The following C14orf39 variants were observed in gnomAD, a reference collection of about 807,000 sequenced individuals.
C14orf39 encodes chromosome 14 open reading frame 39.
Under a neutral mutation model 85.6 loss-of-function variants are expected in C14orf39, and 66 were observed. The ratio of observed to expected loss-of-function variants is 0.77; its 90% CI spans 0.63 to 0.95. C14orf39 has a LOEUF of 0.95. Among genes scored for constraint, C14orf39 ranks in the 40% least tolerant of loss-of-function variants. The probability of loss-of-function intolerance (pLI) is 0.00; values close to 1 mark genes in which losing one functional copy is unlikely to be tolerated. For missense variants in C14orf39, 735 were observed against 663.9 expected (o/e 1.11, Z -1.18); for synonymous variants, 242 against 214.0 (o/e 1.13, Z -1.14).
chr14:60,444,314 C>G (rs148142176), intron 16 of C14orf39, among the ~76,000 whole-genome samples: 4 of 152,136 alleles, frequency 2.6e-5, no homozygotes, highest in Non-Finnish European at 5.9e-5. Flanking sequence ...AAAGGTTAGA[C>G]GAATGGCTAA....
chr14:60,460,079 T>C (rs1230450762), intron 13 of C14orf39, among the ~76,000 whole-genome samples: 1 of 151,124 alleles, frequency 6.6e-6, no homozygotes, highest in East Asian at 1.9e-4. Context: ...AGTTTTTGTC[T>C]CTTACATTTA....
At chr14:60,514,157 T>A (rs1046895831) in intron 1 of C14orf39, among the ~76,000 whole-genome samples, 5 of 152,212 alleles carry the variant, frequency 3.3e-5, no homozygotes, top group Admixed American at 1.3e-4. Context: ...ATCTTTCCAA[T>A]CTTCCCAAGG....
chr14:60,449,089 G>A (rs1405263568), intron 16 of C14orf39, among the ~76,000 whole-genome samples: 1 of 152,134 alleles, frequency 6.6e-6, no homozygotes, highest in Non-Finnish European at 1.5e-5. Context: ...CAATGTAGAT[G>A]ACAAGTTGAT....
intron 1 of C14orf39, chr14:60,509,973 C>A (rs1231504112): frequency 1.3e-6 from 2 of 1,596,108 alleles, no homozygotes; most frequent in African/African-American, 1.3e-5. Context: ...AAGAACAGGT[C>A]GGTACCTAGA....
At chr14:60,452,850 T>G (rs1004642976) in intron 16 of C14orf39, among the ~76,000 whole-genome samples, 3 of 152,192 alleles carry the variant, frequency 2.0e-5, no homozygotes, top group African/African-American at 7.2e-5. Context: ...TTCTTTGATC[T>G]ATGGCCTACA....
chr14:60,463,930 C>T (rs1891655650), intron 11 of C14orf39, among the ~76,000 whole-genome samples: 1 of 152,052 alleles, frequency 6.6e-6, no homozygotes, highest in Admixed American at 6.6e-5. Context: ...GCAGAAACTG[C>T]CATTTGCCTA....
chr14:60,498,329 C>T (rs1388011579), intron 2 of C14orf39, among the ~76,000 whole-genome samples: 2 of 152,202 alleles, frequency 1.3e-5, no homozygotes, highest in African/African-American at 4.8e-5. Flanking sequence ...TAAGCACAGA[C>T]ATTTCTCATT....
chr14:60,453,101 T>C (rs909028198), intron 16 of C14orf39, among the ~76,000 whole-genome samples: 1 of 152,104 alleles, frequency 6.6e-6, no homozygotes, highest in African/African-American at 2.4e-5. Flanking sequence ...TCAGATCTTA[T>C]TAAAGATCTT....
intron 1 of C14orf39, among the ~76,000 whole-genome samples, chr14:60,510,284 C>T (rs998848521): frequency 1.3e-5 from 2 of 152,206 alleles, no homozygotes; most frequent in Admixed American, 1.3e-4. Flanking sequence ...TTAGGGACCC[C>T]AAGACCCAAA....
At chr14:60,486,466 A>G (rs1040791581), upstream of C14orf39, among the ~76,000 whole-genome samples, 1 of 152,248 alleles carries the variant, frequency 6.6e-6, no homozygotes, top group Non-Finnish European at 1.5e-5. Flanking sequence ...TTTTCAAAAC[A>G]TCTTAAAAAG....
intron 1 of C14orf39, among the ~76,000 whole-genome samples, chr14:60,507,644 C>T (rs901786730): frequency 4.6e-5 from 7 of 152,128 alleles, no homozygotes; most frequent in Non-Finnish European, 7.4e-5. Context: ...TCCGTCAGAA[C>T]GAGCTTTGCC....
chr14:60,440,402 CTTTG>C (rs771757615), intron 17 of C14orf39, among the ~76,000 whole-genome samples: 5 of 152,290 alleles, frequency 3.3e-5, no homozygotes, highest in Non-Finnish European at 5.9e-5. Flanking sequence ...ATGGCACAAT[CTTTG>C]TTTCTCTCTC....
In C14orf39 at chr14:60,496,037, A is replaced by G. The variant is rs555679467; in HGVS notation, c.-9+3259T>C. On this transcript the variant is annotated intron_variant, in intron 2 of 5. Coordinates refer to the C14orf39 transcript ENST00000556799. ...AGCTAGTTGTGAAAGGGATTTTGGC[A>G]TGAGGTAGCTTGGCTTGTTTCAAGG... 24 of 723,100 alleles carry G rather than the reference A, an allele frequency of 3.3e-5. No homozygotes were observed. The African/African-American group carries it at 4.3e-4, about 13-fold the overall frequency. The allele number at this position is 723,100 out of a possible 1,614,324, so 44.8% of individuals were successfully genotyped here.
rs766096188 is a variant in C14orf39, at chr14:60,469,631, G to C, written c.577C>G (p.Gln193Glu). The C allele has an allele frequency of 7.7e-6, 11 of 1,423,324 alleles. No homozygotes were observed. In the African/African-American group the frequency reaches 1.6e-4, roughly 20 times the overall value. The allele number at this position is 1,423,324 out of a possible 1,614,324, so 88.2% of individuals were successfully genotyped here. A position where few individuals can be genotyped will look rare whatever the true frequency, so the allele number is the denominator to read the frequency against. ...LNIVNLRCET[Q>E]DILKHASNLT... ...TTGCTGGCATGTTTAAGAATATCTT[G>C]TGTTTCACATCTCAAATTAACACTT... The change falls in exon 8 of 18, where the codon CAA becomes GAA. Residue 193 changes from glutamine (Q) to glutamate (E), a missense_variant. Transcript: ENST00000321731.
Position 60,437,082 on chromosome 14 carries a change from CA to C in C14orf39, c.1562-36del, listed in dbSNP as rs749738928. ...ATAAACATTACAATATCATGCTCTT[CA>C]TATTATATAAAATTTTTATAACCTA... On this transcript the variant is annotated intron_variant, in intron 17 of 17. Coordinates refer to ENST00000321731, the MANE Select transcript of C14orf39 (RefSeq NM_174978.3). 3 of 1,410,700 alleles carry C rather than the reference CA, an allele frequency of 2.1e-6. No individual in the cohort carries two copies. The South Asian group carries it at 3.9e-5, about 18-fold the overall frequency. The allele number at this position is 1,410,700 out of a possible 1,614,324, so 87.4% of individuals were successfully genotyped here. A position where few individuals can be genotyped will look rare whatever the true frequency, so the allele number is the denominator to read the frequency against.
chr14:60,497,706 T>A (rs1041760502), intron 2 of C14orf39, among the ~76,000 whole-genome samples: 1 of 152,008 alleles, frequency 6.6e-6, no homozygotes, highest in African/African-American at 2.4e-5. Flanking sequence ...TGAAACCCCA[T>A]CTCTACTAAA....
chr14:60,483,877 T>G, intron 3 of C14orf39, 60 bp from the exon 4 acceptor site: 2 of 1,226,268 alleles, frequency 1.6e-6, no homozygotes, highest in South Asian at 1.5e-5. Context: ...AATAAACAAA[T>G]AGAGAAAAAA....
Position 60,470,091 on chromosome 14 carries a change from T to C in C14orf39, c.555-438A>G, listed in dbSNP as rs557787527. 4.7e-4 allele frequency among the ~76,000 whole-genome samples: 72 copies of C among 151,912 alleles called. 1 individual carries two copies. The Middle Eastern group carries it at 0.02, about 43-fold the overall frequency. ...TACCCATTTCAAGCCAACAACAGTA[T>C]GCTGGAGAAAAACAAAATCGACCAA... On this transcript the variant is annotated intron_variant, in intron 7 of 17. Coordinates refer to ENST00000321731, the MANE Select transcript of C14orf39 (RefSeq NM_174978.3).
At chr14:60,509,924 T>A in intron 1 of C14orf39, 1 of 1,610,802 alleles carries the variant, frequency 6.2e-7, no homozygotes, top group Non-Finnish European at 8.5e-7. Flanking sequence ...GGGCAACTGG[T>A]TCAAAAACCG....
Sources: allele counts gnomAD v4.1 joint callset (sites outside exome capture counted in the v4.1 genomes callset), GRCh38; gene constraint gnomAD v4.1.1; transcripts MANE v1.5; gene names NCBI Gene and HGNC (gene_info 2026-07-23, HGNC 2026-07-21).